PCDHGA4: variants seen among roughly 807,000 people sequenced by gnomAD.
PCDHGA4 encodes protocadherin gamma-A4.
Under a neutral mutation model 54.6 loss-of-function variants are expected in PCDHGA4, and 38 were observed. The observed-to-expected ratio is 0.70, with a 90% CI of 0.54 to 0.91. PCDHGA4 has a LOEUF of 0.91. PCDHGA4 is among the 40% of genes least tolerant of loss of function. The pLI, the probability that PCDHGA4 is intolerant of heterozygous loss-of-function variation, is 0.00. For synonymous variants in PCDHGA4, 511 were observed against 512.9 expected (o/e 1.00, Z 0.05); for missense variants, 1,298 against 1,220.9 (o/e 1.06, Z -0.94).
At chr5:141,416,400 C>CT (rs1028319330) in intron 1 of PCDHGA4, 1 of 152,036 alleles carries the variant, frequency 6.6e-6, no homozygotes, top group African/African-American at 2.4e-5. Flanking sequence ...CTGCTTTTGT[C>CT]TTTTTTGTTA....
chr5:141,368,472 A>G (rs1765672364), intron 1 of PCDHGA4, among the ~76,000 whole-genome samples: 1 of 152,196 alleles, frequency 6.6e-6, no homozygotes, highest in South Asian at 2.1e-4. Flanking sequence ...ATGCATCCAA[A>G]GAGTAACAAG....
chr5:141,384,941 C>A lies in PCDHGA4; in HGVS notation c.2514+27320C>A, dbSNP rs748067928. Reference sequence around the variant, plus strand: ...GCCGACCTGGGCAGCCTTGAGCCCTCCGACGGTCCTTACAACTATGACCTC... The same window carrying A: ...GCCGACCTGGGCAGCCTTGAGCCCTACGACGGTCCTTACAACTATGACCTC... On this transcript the variant is annotated intron_variant, in intron 1 of 3. Transcript: ENST00000571252. 2.5e-6 allele frequency: 4 copies of A among 1,614,104 alleles called. No homozygotes were observed. The highest frequency in any genetic ancestry group is 3.4e-6 in the Non-Finnish European group (4 of 1,180,022).
rs770010951 is a variant in PCDHGA4 at position 141,408,783 on chromosome 5, T to A, written c.2514+51162T>A. On this transcript the variant is annotated intron_variant, in intron 1 of 3. Transcript: ENST00000571252. ...TCCGATGGTGGCAAATACCCAGAGT[T>A]ATCTCTGGAGAAACTCCTAGACCGG... 26 of 1,612,386 alleles carry A rather than the reference T, an allele frequency of 1.6e-5. No homozygotes were observed. The East Asian group carries it at 5.8e-4, about 36-fold the overall frequency.
intron 3 of PCDHGA4, among the ~76,000 whole-genome samples, chr5:141,510,584 C>T (rs2099881791): frequency 1.3e-5 from 2 of 152,184 alleles, no homozygotes. Flanking sequence ...TTTTACGTAC[C>T]TGACATACAT....
chr5:141,430,399 T>C (rs2097282187), intron 1 of PCDHGA4, among the ~76,000 whole-genome samples: 1 of 150,106 alleles, frequency 6.7e-6, no homozygotes, highest in African/African-American at 2.4e-5. Flanking sequence ...AAAAAAAAGC[T>C]CACTAAAGTT....
intron 1 of PCDHGA4, among the ~76,000 whole-genome samples, chr5:141,456,537 G>A (rs1411788378): frequency 1.3e-5 from 2 of 152,178 alleles, no homozygotes; most frequent in African/African-American, 4.8e-5. Flanking sequence ...ATTAAAGAGG[G>A]ATTGTAGCCA....
rs548636381 is a variant in PCDHGA4, at chr5:141,355,307, T to C, written c.200T>C (p.Phe67Ser). 3.7e-6 allele frequency: 6 copies of C among 1,613,842 alleles called. No homozygotes were observed. Among genetic ancestry groups the C allele is most frequent in the South Asian group, 3.3e-5 (3 of 91,080 alleles). Residue 67 changes from phenylalanine to serine, a missense_variant, in exon 1 of 4, where the codon TTT (phenylalanine) becomes TCT (serine). By Grantham distance (155) the Phe-to-Ser change is radical. Transcript: ENST00000571252. ...IRAEQILYSV[F>S]EEQEEGSVVG... The stretch of plus-strand genomic sequence containing the variant: ...GCCGAACAGATTCTCTACTCGGTGT[T>C]TGAGGAGCAGGAAGAAGGCTCAGTG...
chr5:141,439,443 G>A (rs867907022), intron 1 of PCDHGA4, among the ~76,000 whole-genome samples: 1 of 152,164 alleles, frequency 6.6e-6, no homozygotes, highest in Non-Finnish European at 1.5e-5. Flanking sequence ...ATATTTTATT[G>A]CGGGAGCAAG....
Position 141,356,416 on chromosome 5 carries a change from ACAC to A in PCDHGA4, c.1310_1312del (p.Thr437_His438delinsAsn). On this transcript the variant is annotated inframe_deletion, in exon 1 of 4. Transcript: ENST00000571252. ...CTATGGAAATTATTATCGGTTGTTGACACACAGAACACTGGACAGGGAAGAAGT... is the reference window on the plus strand; with the variant it reads ...CTATGGAAATTATTATCGGTTGTTGAACAGAACACTGGACAGGGAAGAAGT... The A allele has an allele frequency of 3.7e-6, 6 of 1,603,068 alleles. No homozygotes were observed. The highest frequency in any genetic ancestry group is 5.1e-6 in the Non-Finnish European group (6 of 1,173,990).
At chr5:141,422,618 A>G in intron 1 of PCDHGA4, 3 of 1,613,682 alleles carry the variant, frequency 1.9e-6, no homozygotes, top group Non-Finnish European at 2.5e-6. Flanking sequence ...TACATTCCCG[A>G]AAACAACCCC....
chr5:141,382,401 A>C (rs1778173427), intron 1 of PCDHGA4, among the ~76,000 whole-genome samples: 1 of 152,232 alleles, frequency 6.6e-6, no homozygotes, highest in Non-Finnish European at 1.5e-5. Context: ...TCCCATGTGC[A>C]ATAACGTGTG....
At chr5:141,469,374 A>G (rs1270202528) in intron 1 of PCDHGA4, among the ~76,000 whole-genome samples, 1 of 152,076 alleles carries the variant, frequency 6.6e-6, no homozygotes, top group Non-Finnish European at 1.5e-5. Flanking sequence ...AAAGAGATCG[A>G]GACCATCCTG....
chr5:141,430,369 A>G (rs564811230), intron 1 of PCDHGA4, among the ~76,000 whole-genome samples: 1 of 151,582 alleles, frequency 6.6e-6, no homozygotes, highest in East Asian at 1.9e-4. Flanking sequence ...ATTGGGGAAA[A>G]AAAAGCTCAT....
rs1589320809 is a variant in PCDHGA4, at chr5:141,398,163, G to A, written c.2514+40542G>A. 6 of 1,482,244 alleles carry A rather than the reference G, an allele frequency of 4.0e-6. No homozygotes were observed. The Admixed American group carries it at 1.0e-4, about 26-fold the overall frequency. The allele number at this position is 1,482,244 out of a possible 1,614,324, so 91.8% of individuals were successfully genotyped here. A position where few individuals can be genotyped will look rare whatever the true frequency, so the allele number is the denominator to read the frequency against. Reference sequence around the variant, plus strand: ...GCGCCGGGGAGCTGGGCCGGGCTGAGAGGCTGCCAGTGCTCTTTCTCTTCC... The same window carrying A: ...GCGCCGGGGAGCTGGGCCGGGCTGAAAGGCTGCCAGTGCTCTTTCTCTTCC... On this transcript the variant is annotated intron_variant, in intron 1 of 3. Transcript: ENST00000571252.
intron 1 of PCDHGA4, chr5:141,392,819 C>T (rs1346235587): frequency 1.4e-5 from 22 of 1,590,378 alleles, no homozygotes; most frequent in Non-Finnish European, 8.6e-6. Flanking sequence ...CAACAATGGC[C>T]GCTCCACAGA....
At chr5:141,389,311 A>C in intron 1 of PCDHGA4, 2 of 1,613,988 alleles carry the variant, frequency 1.2e-6, no homozygotes, top group Non-Finnish European at 1.7e-6. Context: ...AGGGCTTCTG[A>C]TCCGGACTTG....
intron 2 of PCDHGA4, among the ~76,000 whole-genome samples, chr5:141,503,203 A>G (rs10477147): frequency 0.037 from 5,590 of 152,130 alleles, 132 homozygotes; most frequent in South Asian, 0.073. Flanking sequence ...TCAGCCTCTC[A>G]GTGCCCACCA....
intron 1 of PCDHGA4, chr5:141,410,735 T>A (rs2095420224): frequency 1.5e-6 from 2 of 1,336,188 alleles, no homozygotes; most frequent in East Asian, 4.7e-5. Context: ...CATAGCTTTT[T>A]ACAATATTTT....
At position 141,357,544 on chromosome 5, in the gene PCDHGA4, C is replaced by T. The variant is rs775530187; in HGVS notation, c.2437C>T (p.Arg813Trp). 5 of 1,614,176 alleles carry T rather than the reference C, an allele frequency of 3.1e-6. No homozygotes were observed. In the South Asian group the frequency reaches 3.3e-5, roughly 11 times the overall value. ...CAGCTATGCAGACACGCTCATCAGC[C>T]GGGAGAGTTGTGAGAAAAGCGAGCC... ...QPSYADTLIS[R>W]ESCEKSEPLL... The change falls in exon 1 of 4, where the codon CGG (arginine) becomes TGG (tryptophan). Residue 813 changes from arginine to tryptophan, a missense_variant. Arg to Trp is a moderately radical substitution (Grantham distance 101). Coordinates refer to ENST00000571252, the MANE Select transcript of PCDHGA4 (RefSeq NM_018917.4).
Sources: gnomAD v4.1 joint callset for allele counts (sites outside exome capture counted in the v4.1 genomes callset) on GRCh38, gnomAD v4.1.1 for gene constraint, MANE v1.5 for transcripts, NCBI Gene and HGNC (gene_info 2026-07-23, HGNC 2026-07-21) for gene names.